Variants in LRRC46 observed in about 807,000 individuals in gnomAD.
LRRC46 encodes the protein leucine-rich repeat-containing protein 46.
LRRC46 carries 20 observed loss-of-function variants against 28.0 expected under a neutral mutation model. The ratio of observed to expected loss-of-function variants is 0.71; its 90% CI spans 0.50 to 1.04. The LOEUF (loss-of-function observed/expected upper bound fraction) is 1.04, where lower values mean the gene tolerates loss of function less well. LRRC46 is among the 50% of genes least tolerant of loss of function. The pLI, the probability that LRRC46 is intolerant of heterozygous loss-of-function variation, is 0.00. For synonymous variants in LRRC46, 156 were observed against 158.8 expected, an observed-to-expected ratio of 0.98 and a Z score of 0.13; for missense variants, 315 against 390.1, an observed-to-expected ratio of 0.81 and a Z score of 1.62.
At chr17:47,833,324 CTTA>C (rs1205440677) in intron 2 of LRRC46, among the ~76,000 whole-genome samples, 11 of 151,924 alleles carry the variant, frequency 7.2e-5, no homozygotes, top group African/African-American at 2.7e-4. Context: ...GATGTTTGGC[CTTA>C]TTCTTTCTTT....
intron 2 of LRRC46, among the ~76,000 whole-genome samples, chr17:47,832,491 C>T (rs2033646566): frequency 6.6e-6 from 1 of 152,024 alleles, no homozygotes; most frequent in Admixed American, 6.6e-5. Flanking sequence ...AGTTTGAGAC[C>T]AGCCTGGGCA....
Position 47,835,417 on chromosome 17 carries a change from T to C in LRRC46, c.272+18T>C. 1 of 1,613,590 alleles carries C rather than the reference T, an allele frequency of 6.2e-7. No homozygotes were observed. Among genetic ancestry groups the C allele is most frequent in the Non-Finnish European group, 8.5e-7 (1 of 1,179,874 alleles). On this transcript the variant is annotated intron_variant, in intron 4 of 7. Coordinates refer to ENST00000269025, the MANE Select transcript of LRRC46 (RefSeq NM_033413.4). ...TCCTTGCGGTATGTGGTGCCAGGGCTCAGGCAGGGGAAGAGGGGTTGGGGG... is the reference window on the plus strand; with the variant it reads ...TCCTTGCGGTATGTGGTGCCAGGGCCCAGGCAGGGGAAGAGGGGTTGGGGG...
At position 47,835,704 on chromosome 17, in the gene LRRC46, A is replaced by T. The variant is rs148132302; in HGVS notation, c.311A>T (p.Glu104Val). 2.1e-4 allele frequency: 335 copies of T among 1,614,098 alleles called. No individual in the cohort carries two copies. Among genetic ancestry groups the T allele is most frequent in the Non-Finnish European group, 4.7e-5 (55 of 1,180,034 alleles). Reference sequence around the variant, plus strand: ...GCAGGAAACCAAATCAGGCAGGTGGAAAACCTCCTCGACCTCCCATGCCTC... The same window carrying T: ...GCAGGAAACCAAATCAGGCAGGTGGTAAACCTCCTCGACCTCCCATGCCTC... ...SLAGNQIRQVENLLDLPCLQF... is the reference protein window; with the variant it reads ...SLAGNQIRQVVNLLDLPCLQF... Residue 104 changes from glutamate (E) to valine (V), a missense_variant, in exon 5 of 8, where the codon GAA becomes GTA. Transcript: ENST00000269025.
chr17:47,835,210 C>A, intron 3 of LRRC46, 143 bp from the exon 4 acceptor site: 1 of 851,172 alleles, frequency 1.2e-6, no homozygotes, highest in Non-Finnish European at 2.0e-6. Flanking sequence ...TAGTGGCAAC[C>A]TGTTCAAGGA....
Position 47,835,050 on chromosome 17 carries a change from C to T in LRRC46, c.226-303C>T, listed in dbSNP as rs541368146. On this transcript the variant is annotated intron_variant, in intron 3 of 7. Transcript: ENST00000269025. ...TGCAAGCCACCACCAAGGCCCTTTC[C>T]GTTTTCCTGGTGGCTTCTTAGTTTC... The T allele has an allele frequency of 1.0e-3, 406 of 387,212 alleles. 2 individuals are homozygous for T. Among genetic ancestry groups the T allele is most frequent in the South Asian group, 1.9e-3 (60 of 31,736 alleles). 24.0% of individuals were successfully genotyped at this position (387,212 alleles called of 1,614,324 possible).
At position 47,837,261 on chromosome 17, in the gene LRRC46, A is replaced by C. The variant is rs2033710886; in HGVS notation, c.*141A>C. 1.2e-4 allele frequency: 136 copies of C among 1,131,302 alleles called. No individual in the cohort carries two copies. Among genetic ancestry groups the C allele is most frequent in the Non-Finnish European group, 1.4e-4 (113 of 825,146 alleles). 70.1% of individuals were successfully genotyped at this position (1,131,302 alleles called of 1,614,324 possible). On this transcript the variant is annotated 3_prime_UTR_variant, in exon 8 of 8. Transcript: ENST00000269025. ...CTTTTCATGTCACTTGGGGTATCTC[A>C]GGGGAAGAAACCAGTGAAAGCTCCA...
Position 47,837,111 on chromosome 17 carries a change from C to G in LRRC46, c.957C>G (p.Ser319Arg), listed in dbSNP as rs758540116. The G allele has an allele frequency of 1.2e-6, 2 of 1,603,464 alleles. No individual in the cohort carries two copies. Among genetic ancestry groups the G allele is most frequent in the South Asian group, 2.2e-5 (2 of 90,126 alleles). ...CAACCAAAACTACGGCCAAGAGAAGCAAGAAATGATTCTCTGTCAACCTTT... is the reference window on the plus strand; with the variant it reads ...CAACCAAAACTACGGCCAAGAGAAGGAAGAAATGATTCTCTGTCAACCTTT... Reference protein sequence around the residue: ...PSTTKTTAKRSKK With the variant: ...PSTTKTTAKRRKK The change falls in exon 8 of 8, where the codon AGC becomes AGG. Residue 319 changes from serine (S) to arginine (R), a missense_variant. Coordinates refer to ENST00000269025, the MANE Select transcript of LRRC46 (RefSeq NM_033413.4).
Position 47,837,671 on chromosome 17 carries a change from TG to T in LRRC46, c.*554del. On this transcript the variant is annotated 3_prime_UTR_variant, in exon 8 of 8. Coordinates refer to ENST00000269025, the MANE Select transcript of LRRC46 (RefSeq NM_033413.4). ...TTGGCTCTCCCACCCCCACTGGTCC[TG>T]GGATAAAGTTCACTGAAGAGAAAAT... The T allele has an allele frequency of 1.2e-6, 1 of 846,846 alleles. No individual in the cohort carries two copies. Among genetic ancestry groups the T allele is most frequent in the Non-Finnish European group, 1.7e-6 (1 of 585,868 alleles). The allele number at this position is 846,846 out of a possible 1,614,324, so 52.5% of individuals were successfully genotyped here.
In LRRC46 at chr17:47,836,811, C is replaced by T. The variant is rs1452872745; in HGVS notation, c.657C>T (p.Ala219=). The T allele has an allele frequency of 1.2e-5, 19 of 1,613,884 alleles. No homozygotes were observed. The highest frequency in any genetic ancestry group is 1.4e-5 in the Non-Finnish European group (17 of 1,180,020). ...SRHREHRQQT[A]LTEHLLRMEM... The stretch of plus-strand genomic sequence containing the variant: ...ACAGGGAGCACCGGCAACAGACGGC[C>T]CTGACAGAGCACCTGCTGAGGATGG... The change falls in exon 8 of 8, where the codon GCC becomes GCT. Residue 219 remains alanine, a synonymous_variant. Transcript: ENST00000269025. The surrounding 1 kb of genome is among the most constrained non-coding windows in gnomAD (Gnocchi z 5.8).
In LRRC46 at chr17:47,837,251, G is replaced by A. The variant is rs899050098; in HGVS notation, c.*131G>A. The stretch of plus-strand genomic sequence containing the variant: ...CCTGAGTATGCTTTTCATGTCACTT[G>A]GGGTATCTCAGGGGAAGAAACCAGT... On this transcript the variant is annotated 3_prime_UTR_variant, in exon 8 of 8. Transcript: ENST00000269025. 3 of 1,268,358 alleles carry A rather than the reference G, an allele frequency of 2.4e-6. No individual in the cohort carries two copies. Among genetic ancestry groups the A allele is most frequent in the Non-Finnish European group, 3.2e-6 (3 of 939,624 alleles). The allele number at this position is 1,268,358 out of a possible 1,614,324, so 78.6% of individuals were successfully genotyped here.
chr17:47,832,280 A>C, intron 2 of LRRC46, 75 bp downstream of exon 2: 1 of 1,056,314 alleles, frequency 9.5e-7, no homozygotes, highest in Non-Finnish European at 1.4e-6. Flanking sequence ...ACGTGTACTG[A>C]TTTGTCAACT....
chr17:47,835,956 C>T (rs1255969474), intron 5 of LRRC46, 77 bp from the exon 6 acceptor site: 2 of 1,507,948 alleles, frequency 1.3e-6, no homozygotes, highest in Admixed American at 1.7e-5. Flanking sequence ...GGTATGAGAA[C>T]CCCATTCCCA....
Position 47,836,937 on chromosome 17 carries a change from C to G in LRRC46, c.783C>G (p.Val261=). 1 of 1,613,898 alleles carries G rather than the reference C, an allele frequency of 6.2e-7. No individual in the cohort carries two copies. Among genetic ancestry groups the G allele is most frequent in the Non-Finnish European group, 8.5e-7 (1 of 1,179,952 alleles). The part of the protein sequence containing the change: ...SATPAQGEET[V]PEAVSSPQAS... ...CTCCTGCGCAAGGGGAGGAGACAGT[C>G]CCTGAGGCCGTCTCCTCACCCCAGG... Residue 261 remains valine (V), a synonymous_variant, in exon 8 of 8, where the codon GTC becomes GTG. Coordinates refer to ENST00000269025, the MANE Select transcript of LRRC46 (RefSeq NM_033413.4). The surrounding 1 kb of genome is among the most constrained non-coding windows in gnomAD (Gnocchi z 5.8).
chr17:47,833,986 GGAAT>G (rs2033665763), intron 2 of LRRC46: 11 of 986,586 alleles, frequency 1.1e-5, no homozygotes, highest in African/African-American at 1.7e-5. Flanking sequence ...GCAATGTTGT[GGAAT>G]GAATGAATGG....
Position 47,832,009 on chromosome 17 carries a change from G to A in LRRC46, c.10+10G>A, listed in dbSNP as rs907365582. The A allele has an allele frequency of 2.5e-6, 4 of 1,613,766 alleles. No individual in the cohort carries two copies. In the Admixed American group the frequency reaches 5.0e-5, roughly 20 times the overall value. On this transcript the variant is annotated intron_variant, in intron 1 of 7. Coordinates refer to ENST00000269025, the MANE Select transcript of LRRC46 (RefSeq NM_033413.4). Reference sequence around the variant, plus strand: ...TAGATCATGTCTGGAGGTGAGTAGGGAGGTGGGACGGTGGGTAGAGCAGTT... The same window carrying A: ...TAGATCATGTCTGGAGGTGAGTAGGAAGGTGGGACGGTGGGTAGAGCAGTT...
At chr17:47,834,272 C>T (rs2033668457) in intron 2 of LRRC46, among the ~76,000 whole-genome samples, 153 bp from the exon 3 acceptor site, 1 of 152,108 alleles carries the variant, frequency 6.6e-6, no homozygotes, top group Non-Finnish European at 1.5e-5. Flanking sequence ...CTAGACACCA[C>T]CTCAAGATGT....
chr17:47,833,279 T>A (rs1167425008), intron 2 of LRRC46, among the ~76,000 whole-genome samples: 2 of 152,112 alleles, frequency 1.3e-5, no homozygotes, highest in Non-Finnish European at 2.9e-5. Flanking sequence ...ACTCCCTTTG[T>A]CCCCTGTACT....
chr17:47,836,755 C>T lies in LRRC46; in HGVS notation c.601C>T (p.Leu201Phe), dbSNP rs532247311. 1.2e-4 allele frequency: 200 copies of T among 1,612,846 alleles called. No homozygotes were observed. In the South Asian group the frequency reaches 2.0e-3, roughly 16 times the overall value. ...CCACCCCCGGCCCCTCCCAGGCTTC[C>T]TCAAGGAGCTGGAGCAGGAGCTGAG... is the stretch of plus-strand genomic sequence containing the variant. Reference protein sequence around the residue: ...SGPFCSERGFLKELEQELSRH... With the variant: ...SGPFCSERGFFKELEQELSRH... Residue 201 changes from leucine to phenylalanine, a missense_variant, in exon 8 of 8, where the codon CTC (leucine) becomes TTC (phenylalanine). By Grantham distance (22) the Leu-to-Phe change is conservative (BLOSUM62 0). Transcript: ENST00000269025. This position sits in a 1 kb window ranked among gnomAD's most constrained non-coding sequence, Gnocchi z 5.8.
rs755834038 is a variant in LRRC46 at position 47,836,738 on chromosome 17, G to A, written c.596-12G>A. 65 of 1,592,978 alleles carry A rather than the reference G, an allele frequency of 4.1e-5. No homozygotes were observed. The highest frequency in any genetic ancestry group is 1.2e-4 in the South Asian group (11 of 90,822). ...CACCCACCCTGTACCCTCCACCCCCGGCCCCTCCCAGGCTTCCTCAAGGAG... is the reference window on the plus strand; with the variant it reads ...CACCCACCCTGTACCCTCCACCCCCAGCCCCTCCCAGGCTTCCTCAAGGAG... On this transcript the variant is annotated splice_polypyrimidine_tract_variant and intron_variant, in intron 7 of 7. Transcript: ENST00000269025. This position sits in a 1 kb window ranked among gnomAD's most constrained non-coding sequence, Gnocchi z 5.8.
Sources: allele counts gnomAD v4.1 joint callset (sites outside exome capture counted in the v4.1 genomes callset), GRCh38; gene constraint gnomAD v4.1.1; non-coding constraint Gnocchi (gnomAD v3.1); transcripts MANE v1.5; gene names NCBI Gene and HGNC (gene_info 2026-07-23, HGNC 2026-07-21).